The following UNC5C variants were observed in gnomAD, a reference collection of about 807,000 sequenced individuals.
The protein encoded by UNC5C is unc-5 netrin receptor C.
A neutral mutation model predicts 99.8 loss-of-function variants in UNC5C; 47 were observed. That is an observed-to-expected ratio of 0.47 (90% CI 0.37 to 0.60). The LOEUF (loss-of-function observed/expected upper bound fraction) is 0.60. Ranked by LOEUF, UNC5C falls within the 20% of genes least tolerant of loss-of-function variation. The pLI, the probability that UNC5C is intolerant of heterozygous loss-of-function variation, is 0.00. For missense variants in UNC5C, 1,062 were observed against 1,165.9 expected (o/e 0.91, Z 1.30); for synonymous variants, 487 against 452.2 (o/e 1.08, Z -0.98).
chr4:95,179,288 A>G (rs891225725), intron 14 of UNC5C, among the ~76,000 whole-genome samples: 3 of 152,250 alleles, frequency 2.0e-5, no homozygotes, highest in African/African-American at 7.2e-5. Context: ...ATGTAAACAG[A>G]TGAAATGGCT....
intron 1 of UNC5C, among the ~76,000 whole-genome samples, chr4:95,487,821 C>T (rs1436428683): frequency 6.6e-6 from 1 of 151,658 alleles, no homozygotes; most frequent in African/African-American, 2.4e-5. Context: ...CAAACTATAG[C>T]CTTAGTTTCT....
chr4:95,504,627 C>T (rs536463189), intron 1 of UNC5C, among the ~76,000 whole-genome samples: 2 of 152,092 alleles, frequency 1.3e-5, no homozygotes, highest in South Asian at 4.2e-4. Context: ...GAGAAAAACA[C>T]ACGTCACTTC....
chr4:95,498,851 G>T (rs565994536), intron 1 of UNC5C, among the ~76,000 whole-genome samples: 1 of 151,796 alleles, frequency 6.6e-6, no homozygotes, highest in African/African-American at 2.4e-5. Context: ...ACATATAATC[G>T]CTATTTCAAC....
At chr4:95,435,504 G>T (rs1746753372) in intron 1 of UNC5C, among the ~76,000 whole-genome samples, 1 of 152,048 alleles carries the variant, frequency 6.6e-6, no homozygotes, top group South Asian at 2.1e-4. Context: ...ATCTAATTAT[G>T]CATTACTTTA....
At chr4:95,171,194 T>A (rs1736085752) in intron 14 of UNC5C, among the ~76,000 whole-genome samples, 1 of 152,088 alleles carries the variant, frequency 6.6e-6, no homozygotes, top group Non-Finnish European at 1.5e-5. Flanking sequence ...CTTAATCTAC[T>A]ATAAATGCCA....
intron 1 of UNC5C, among the ~76,000 whole-genome samples, chr4:95,464,684 T>C (rs764455172): frequency 3.3e-5 from 5 of 152,180 alleles, no homozygotes; most frequent in South Asian, 2.1e-4. Flanking sequence ...CAAAATGGCT[T>C]TTGAGAATTA....
intron 2 of UNC5C, among the ~76,000 whole-genome samples, chr4:95,313,737 A>G (rs914150100): frequency 2.6e-5 from 4 of 152,212 alleles, no homozygotes; most frequent in African/African-American, 9.6e-5. Context: ...CATAATCTTA[A>G]TGCAACTTTA....
In UNC5C at chr4:95,393,863, TAA is replaced by T. The variant is rs36105351; in HGVS notation, c.125-58234_125-58233del. On this transcript the variant is annotated intron_variant, in intron 1 of 15. Coordinates refer to ENST00000453304, the MANE Select transcript of UNC5C (RefSeq NM_003728.4). ...ATACAATCTACTGTTTTTTTTTTTT[TAA>T]AAAAAAACAGATTGCTATAAATCTC... is the stretch of plus-strand genomic sequence containing the variant. Among the ~76,000 whole-genome samples the T allele has an allele frequency of 3.9e-3, 567 of 146,314 alleles. 8 individuals are homozygous for T. The highest frequency in any genetic ancestry group is 0.021 in the South Asian group (97 of 4,580).
chr4:95,339,704 C>A (rs1418884628), intron 1 of UNC5C, among the ~76,000 whole-genome samples: 1 of 152,040 alleles, frequency 6.6e-6, no homozygotes, highest in Non-Finnish European at 1.5e-5. Context: ...CAAATTATTA[C>A]CTTTTCTATA....
Position 95,425,300 on chromosome 4 carries a change from A to G in UNC5C, c.125-89669T>C, listed in dbSNP as rs188071812. Among the ~76,000 whole-genome samples the G allele has an allele frequency of 3.0e-3, 457 of 152,346 alleles. 1 individual carries two copies. Among genetic ancestry groups the G allele is most frequent in the Non-Finnish European group, 5.1e-3 (350 of 68,036 alleles). ...CATTGTTAAAAGTATAATTGTTAGA[A>G]ATATCTTATTTTTGTTAACTTTATG... On this transcript the variant is annotated intron_variant, in intron 1 of 15. Transcript: ENST00000453304.
rs563357325 is a variant in UNC5C at position 95,185,177 on chromosome 4, C to G, written c.2156G>C (p.Arg719Thr). 44 of 1,609,850 alleles carry G rather than the reference C, an allele frequency of 2.7e-5. No individual in the cohort carries two copies. In the South Asian group the frequency reaches 4.5e-4, roughly 17 times the overall value. ...TTCTAGGAGCTGTCCTCCCATCTGT[C>G]TCTCAAGATGTAAAATTTCCTATAA... The part of the protein sequence containing the change: ...DALKEILHLE[R>T]QMGGQLLEEP... The change falls in exon 13 of 16, where the codon AGA becomes ACA. Residue 719 changes from arginine (R) to threonine (T), a missense_variant. By Grantham distance (71) the Arg-to-Thr change is moderately conservative. Transcript: ENST00000453304.
At chr4:95,500,050 T>C (rs1474026100) in intron 1 of UNC5C, among the ~76,000 whole-genome samples, 2 of 152,136 alleles carry the variant, frequency 1.3e-5, no homozygotes, top group African/African-American at 4.8e-5. Context: ...AAAGGTAGTT[T>C]GACCAGTAAA....
chr4:95,536,061 C>CATATATATATAT (rs58901868), intron 1 of UNC5C, among the ~76,000 whole-genome samples: 4 of 140,834 alleles, frequency 2.8e-5, no homozygotes, highest in African/African-American at 1.0e-4. Flanking sequence ...TACATACATA[C>CATATATATATAT]ATATATATAT....
intron 1 of UNC5C, among the ~76,000 whole-genome samples, chr4:95,465,762 A>AT (rs1553976391): frequency 1.3e-5 from 2 of 152,192 alleles, no homozygotes; most frequent in Non-Finnish European, 2.9e-5. Context: ...GTTAAAAAAA[A>AT]GTTTGGATTT....
intron 1 of UNC5C, among the ~76,000 whole-genome samples, chr4:95,484,540 A>G (rs1313583247): frequency 1.3e-5 from 2 of 151,756 alleles, no homozygotes; most frequent in African/African-American, 4.8e-5. Context: ...AGGCTACAAG[A>G]TTCTCCGGTC....
intron 1 of UNC5C, among the ~76,000 whole-genome samples, chr4:95,397,864 CAACT>C (rs1745564189): frequency 6.6e-6 from 1 of 152,074 alleles, no homozygotes; most frequent in South Asian, 2.1e-4. Context: ...AACATCAAGA[CAACT>C]ATCAAAACAT....
intron 1 of UNC5C, among the ~76,000 whole-genome samples, chr4:95,372,090 C>A (rs568102983): frequency 6.6e-6 from 1 of 152,212 alleles, no homozygotes; most frequent in East Asian, 1.9e-4. Flanking sequence ...ACCCTAGACA[C>A]CCATGCCTGT....
intron 1 of UNC5C, among the ~76,000 whole-genome samples, chr4:95,409,145 A>G (rs938606595): frequency 3.3e-5 from 5 of 152,224 alleles, no homozygotes; most frequent in African/African-American, 1.2e-4. Context: ...GAACTTTCCT[A>G]TCTATCAGAT....
chr4:95,532,449 T>TAA (rs372395809), intron 1 of UNC5C, among the ~76,000 whole-genome samples: 7,763 of 141,368 alleles, frequency 0.055, 592 homozygotes, highest in African/African-American at 0.18. Context: ...CCAACATCAT[T>TAA]AAAAAAAAAA....
Sources: allele counts gnomAD v4.1 joint callset (sites outside exome capture counted in the v4.1 genomes callset), GRCh38; gene constraint gnomAD v4.1.1; transcripts MANE v1.5; gene names NCBI Gene and HGNC (gene_info 2026-07-23, HGNC 2026-07-21).